Variants in NPL observed in about 807,000 individuals in gnomAD.
The protein encoded by NPL is N-acetylneuraminate lyase.
A neutral mutation model predicts 41.1 loss-of-function variants in NPL; 32 were observed. That is an observed-to-expected ratio of 0.78 (90% confidence interval 0.59 to 1.05). The LOEUF (loss-of-function observed/expected upper bound fraction) is 1.05. NPL is among the 50% of genes least tolerant of loss of function. The pLI, the probability that NPL is intolerant of heterozygous loss-of-function variation, is 0.00. For synonymous variants in NPL, 128 were observed against 134.9 expected (o/e 0.95, Z 0.35); for missense variants, 321 against 378.4 (o/e 0.85, Z 1.26).
intron 11 of NPL, among the ~76,000 whole-genome samples, chr1:182,824,714 A>G (rs550123814): frequency 6.6e-6 from 1 of 152,180 alleles, no homozygotes; most frequent in South Asian, 2.1e-4. Flanking sequence ...GGAGAATGGC[A>G]TGAACCTGGG....
At chr1:182,812,699 G>A (rs996339730) in intron 6 of NPL, among the ~76,000 whole-genome samples, 10 of 152,110 alleles carry the variant, frequency 6.6e-5, no homozygotes, top group African/African-American at 2.4e-4. Flanking sequence ...CCACCCTTCA[G>A]CACCGTTGTG....
intron 3 of NPL, among the ~76,000 whole-genome samples, chr1:182,801,531 G>C (rs920384778): frequency 6.6e-6 from 1 of 152,186 alleles, no homozygotes; most frequent in Non-Finnish European, 1.5e-5. Flanking sequence ...TACTAGAATA[G>C]GACAGAGCAA....
Position 182,806,606 on chromosome 1 carries a change from C to G in NPL, c.230+374C>G. The G allele has an allele frequency of 2.0e-6, 3 of 1,475,014 alleles. No individual in the cohort carries two copies. The African/African-American group carries it at 4.2e-5, about 21-fold the overall frequency. The allele number at this position is 1,475,014 out of a possible 1,614,324, so 91.4% of individuals were successfully genotyped here. A position where few individuals can be genotyped will look rare whatever the true frequency, so the allele number is the denominator to read the frequency against. ...CTGAGCAACTCACACCCCTTCCCTT[C>G]TTGGGATGAGCGCCTGATGCTTGTA... is the stretch of plus-strand genomic sequence containing the variant. On this transcript the variant is annotated intron_variant, in intron 5 of 12. Transcript: ENST00000367553.
Position 182,829,639 on chromosome 1 carries a change from C to T in NPL, c.*731C>T, listed in dbSNP as rs563090415. The stretch of plus-strand genomic sequence containing the variant: ...CTCAAAGTTTCAAAGAACCAAAGGA[C>T]TCTTCCTCTGGGCACCACAAACTTC... On this transcript the variant is annotated 3_prime_UTR_variant, in exon 13 of 13. Transcript: ENST00000367553. 68 of 1,550,140 alleles carry T rather than the reference C, an allele frequency of 4.4e-5. No individual in the cohort carries two copies. In the South Asian group the frequency reaches 7.0e-4, roughly 16 times the overall value.
In NPL at chr1:182,829,066, C is replaced by T; in HGVS notation, c.*158C>T. The T allele has an allele frequency of 6.9e-7, 1 of 1,456,000 alleles. No homozygotes were observed. The highest frequency in any genetic ancestry group is 9.0e-7 in the Non-Finnish European group (1 of 1,111,814). The allele number at this position is 1,456,000 out of a possible 1,614,324, so 90.2% of individuals were successfully genotyped here. On this transcript the variant is annotated 3_prime_UTR_variant, in exon 13 of 13. Transcript: ENST00000367553. Reference sequence around the variant, plus strand: ...GTACCTTTTGTGAGCCTTAAAAAGTCTTATTTTGTGAAGGGGCAAAAACTC... The same window carrying T: ...GTACCTTTTGTGAGCCTTAAAAAGTTTTATTTTGTGAAGGGGCAAAAACTC...
At chr1:182,790,577 A>G (rs540978273) in intron 1 of NPL, among the ~76,000 whole-genome samples, 1 of 152,176 alleles carries the variant, frequency 6.6e-6, no homozygotes, top group Non-Finnish European at 1.5e-5. Flanking sequence ...TAAAAACTTG[A>G]ATCTTAAAAA....
In NPL at chr1:182,821,181, C is replaced by T. The variant is rs193062938; in HGVS notation, c.654-934C>T. On this transcript the variant is annotated intron_variant, in intron 10 of 12. Coordinates refer to ENST00000367553, the MANE Select transcript of NPL (RefSeq NM_030769.3). ...GCTGTTGACCCCAGTTCTATATATA[C>T]AAGTCCAACAACATTTCTGTTAGTG... is the stretch of plus-strand genomic sequence containing the variant. Among the ~76,000 whole-genome samples the T allele has an allele frequency of 3.2e-3, 495 of 152,326 alleles. 2 individuals are homozygous for T. Among genetic ancestry groups the T allele is most frequent in the African/African-American group, 0.01 (431 of 41,556 alleles).
chr1:182,823,627 C>T (rs1667549443), intron 11 of NPL, among the ~76,000 whole-genome samples: 1 of 152,174 alleles, frequency 6.6e-6, no homozygotes, highest in South Asian at 2.1e-4. Context: ...TGATGGTTCT[C>T]TCCACCCTGC....
chr1:182,821,331 A>G (rs553537873), intron 10 of NPL, among the ~76,000 whole-genome samples: 1 of 152,224 alleles, frequency 6.6e-6, no homozygotes, highest in Non-Finnish European at 1.5e-5. Flanking sequence ...TGGTTTCTCT[A>G]AGAATTCAGT....
At chr1:182,808,901 A>G (rs1258033274) in intron 5 of NPL, among the ~76,000 whole-genome samples, 1 of 151,120 alleles carries the variant, frequency 6.6e-6, no homozygotes, top group East Asian at 2.0e-4. Context: ...CAGAGGTTGC[A>G]GTGAGCCAAA....
chr1:182,825,886 C>G (rs1302997603), intron 12 of NPL, 66 bp downstream of exon 12: 20 of 1,174,442 alleles, frequency 1.7e-5, no homozygotes, highest in Non-Finnish European at 2.4e-5. Context: ...AATACCATCA[C>G]TTTCTCTGAG....
At chr1:182,821,574 T>A (rs1285247939) in intron 10 of NPL, among the ~76,000 whole-genome samples, 1 of 152,232 alleles carries the variant, frequency 6.6e-6, no homozygotes, top group Admixed American at 6.5e-5. Flanking sequence ...GTCAAGCACC[T>A]ATAATATAAT....
intron 3 of NPL, among the ~76,000 whole-genome samples, chr1:182,802,216 A>C (rs1460106982): frequency 6.6e-6 from 1 of 152,222 alleles, no homozygotes; most frequent in African/African-American, 2.4e-5. Flanking sequence ...ATATGGAGGC[A>C]TGTGCCATAA....
intron 3 of NPL, among the ~76,000 whole-genome samples, chr1:182,802,892 G>A (rs1385679639): frequency 6.6e-6 from 1 of 152,198 alleles, no homozygotes; most frequent in Non-Finnish European, 1.5e-5. Flanking sequence ...AACTGGGCCG[G>A]ACTGTGTGGG....
At chr1:182,800,669 AG>A (rs1473973453) in intron 3 of NPL, among the ~76,000 whole-genome samples, 6 of 150,588 alleles carry the variant, frequency 4.0e-5, no homozygotes, top group African/African-American at 1.2e-4. Flanking sequence ...AGTCCTCTAA[AG>A]TAGGGCCTAC....
At chr1:182,819,446 CAAA>C (rs746491108) in intron 10 of NPL, among the ~76,000 whole-genome samples, 1 of 105,422 alleles carries the variant, frequency 9.5e-6, no homozygotes, top group Admixed American at 1.0e-4. Flanking sequence ...AACTCCATCT[CAAA>C]AAAAAAAAAA....
intron 3 of NPL, chr1:182,795,662 G>A (rs1263796246): frequency 1.3e-5 from 2 of 152,164 alleles, no homozygotes; most frequent in Non-Finnish European, 2.9e-5. Context: ...GATTCTTGCT[G>A]ATACGGCATT....
At chr1:182,827,281 T>C (rs1374056789) in intron 12 of NPL, among the ~76,000 whole-genome samples, 1 of 152,214 alleles carries the variant, frequency 6.6e-6, no homozygotes, top group African/African-American at 2.4e-5. Flanking sequence ...AAGATGGGGA[T>C]TGGGGATTAT....
At chr1:182,819,860 T>C (rs1363556281) in intron 10 of NPL, among the ~76,000 whole-genome samples, 3 of 152,222 alleles carry the variant, frequency 2.0e-5, no homozygotes, top group African/African-American at 2.4e-5. Context: ...CTAGCTTATG[T>C]ACAAGAAGAT....
Sources: gnomAD v4.1 joint callset for allele counts (sites outside exome capture counted in the v4.1 genomes callset) on GRCh38, gnomAD v4.1.1 for gene constraint, MANE v1.5 for transcripts, NCBI Gene and HGNC (gene_info 2026-07-23, HGNC 2026-07-21) for gene names.